Variants in CCDC73 observed in about 807,000 individuals in gnomAD.
The protein encoded by CCDC73 is coiled-coil domain containing 73.
CCDC73 carries 95 observed loss-of-function variants against 116.5 expected under a neutral mutation model. That is an observed-to-expected ratio of 0.82 (90% CI 0.69 to 0.97). The LOEUF is 0.97. Ranked by LOEUF, CCDC73 falls within the 50% of genes least tolerant of loss-of-function variation. The pLI, the probability that CCDC73 is intolerant of heterozygous loss-of-function variation, is 0.00. For missense variants in CCDC73, 1,066 were observed against 1,206.8 expected (o/e 0.88, Z 1.73); for synonymous variants, 398 against 401.3 (o/e 0.99, Z 0.10).
intron 14 of CCDC73, among the ~76,000 whole-genome samples, chr11:32,625,142 CTCCA>C (rs1855558318): frequency 6.6e-6 from 1 of 152,184 alleles, no homozygotes; most frequent in Admixed American, 6.5e-5. Flanking sequence ...GTAGATCTTC[CTCCA>C]TCCCTTTATT....
chr11:32,829,664 A>T, the CCDC73 span: 3 of 734,416 alleles, frequency 4.1e-6, no homozygotes, highest in Non-Finnish European at 5.0e-6. Flanking sequence ...CTGAGAACCG[A>T]AATGCTTCCT....
At chr11:32,610,887 A>G (rs190837957) in intron 17 of CCDC73, among the ~76,000 whole-genome samples, 1 of 152,372 alleles carries the variant, frequency 6.6e-6, no homozygotes, top group East Asian at 1.9e-4. Flanking sequence ...AAATAGAAGT[A>G]CATATCCGAT....
rs560859436 is a variant in CCDC73, at chr11:32,607,339, G to C, written c.3030+3793C>G. 1.0e-3 allele frequency among the ~76,000 whole-genome samples: 154 copies of C among 151,294 alleles called. 1 individual carries two copies. In the Middle Eastern group the frequency reaches 0.038, roughly 37 times the overall value. On this transcript the variant is annotated intron_variant, in intron 17 of 17. Coordinates refer to ENST00000335185, the MANE Select transcript of CCDC73 (RefSeq NM_001008391.4). Reference sequence around the variant, plus strand: ...GATCTCCTGACCTCGTGATCCGCCCGCCTCGGCCTCCCAAAGTGCTGGGAT... The same window carrying C: ...GATCTCCTGACCTCGTGATCCGCCCCCCTCGGCCTCCCAAAGTGCTGGGAT...
chr11:32,788,012 C>T (rs2133404206), intron 1 of CCDC73, among the ~76,000 whole-genome samples: 1 of 152,314 alleles, frequency 6.6e-6, no homozygotes, highest in African/African-American at 2.4e-5. Flanking sequence ...CACTTACACT[C>T]ATCAGATTCT....
intron 2 of CCDC73, among the ~76,000 whole-genome samples, chr11:32,736,299 C>T (rs1424642925): frequency 6.6e-6 from 1 of 151,984 alleles, no homozygotes; most frequent in African/African-American, 2.4e-5. Flanking sequence ...ACAAAGAACT[C>T]AAACAAATTT....
At chr11:32,636,485 C>T (rs1855680034) in intron 13 of CCDC73, among the ~76,000 whole-genome samples, 1 of 151,990 alleles carries the variant, frequency 6.6e-6, no homozygotes, top group Non-Finnish European at 1.5e-5. Context: ...TCACAGAAGC[C>T]TCAAATATGA....
intron 2 of CCDC73, among the ~76,000 whole-genome samples, chr11:32,725,771 A>C (rs1043012473): frequency 6.6e-6 from 1 of 152,150 alleles, no homozygotes; most frequent in Non-Finnish European, 1.5e-5. Context: ...TGTAGAATAC[A>C]TCTCCAAGAT....
chr11:32,645,379 T>C (rs540056028), intron 12 of CCDC73, among the ~76,000 whole-genome samples: 2 of 146,528 alleles, frequency 1.4e-5, no homozygotes, highest in Non-Finnish European at 3.0e-5. Flanking sequence ...GCAACCTCCA[T>C]CTCCCAGGTT....
At chr11:32,712,098 T>C (rs1849904978) in intron 3 of CCDC73, among the ~76,000 whole-genome samples, 1 of 152,204 alleles carries the variant, frequency 6.6e-6, no homozygotes, top group African/African-American at 2.4e-5. Flanking sequence ...TCACCTCCTA[T>C]GAACTTTTAT....
At chr11:32,664,150 T>C (rs1173780261) in intron 9 of CCDC73, among the ~76,000 whole-genome samples, 1 of 152,182 alleles carries the variant, frequency 6.6e-6, no homozygotes, top group African/African-American at 2.4e-5. Flanking sequence ...TCTTTTTTTA[T>C]TGTGTCTCTG....
chr11:32,680,280 TA>T (rs1203972704), intron 7 of CCDC73: 2 of 152,232 alleles, frequency 1.3e-5, no homozygotes, highest in Non-Finnish European at 2.9e-5. Flanking sequence ...TTTTTACTAT[TA>T]AAACTTTAAT....
the CCDC73 span, among the ~76,000 whole-genome samples, chr11:32,801,085 G>A: frequency 6.6e-6 from 1 of 152,144 alleles, no homozygotes; most frequent in Admixed American, 6.5e-5. Context: ...TTTTAGTTCT[G>A]AGCATCACAT....
chr11:32,609,535 C>A (rs1486105040), intron 17 of CCDC73, among the ~76,000 whole-genome samples: 1 of 152,208 alleles, frequency 6.6e-6, no homozygotes, highest in Non-Finnish European at 1.5e-5. Context: ...AATTTTCCCA[C>A]ATTTTCCTGT....
rs1299574704 is a variant in CCDC73 at position 32,767,087 on chromosome 11, G to T, written c.-15-6829C>A. Among the ~76,000 whole-genome samples, 8 of 152,024 alleles carry T rather than the reference G, an allele frequency of 5.3e-5. No individual in the cohort carries two copies. In the East Asian group the frequency reaches 5.8e-4, roughly 11 times the overall value. On this transcript the variant is annotated intron_variant, in intron 1 of 17. Coordinates refer to ENST00000335185, the MANE Select transcript of CCDC73 (RefSeq NM_001008391.4). The stretch of plus-strand genomic sequence containing the variant: ...TTCAAACTATACTACAAGGCTACAG[G>T]AACCAAAACAGCATGGTACTGGTAC...
intron 13 of CCDC73, among the ~76,000 whole-genome samples, chr11:32,639,157 C>A (rs529456707): frequency 5.3e-5 from 8 of 149,734 alleles, no homozygotes; most frequent in African/African-American, 2.0e-4. Context: ...TCCCCGACAC[C>A]CCCCCCAAAA....
At chr11:32,743,094 C>T (rs984764828) in intron 2 of CCDC73, among the ~76,000 whole-genome samples, 2 of 152,130 alleles carry the variant, frequency 1.3e-5, no homozygotes, top group South Asian at 2.1e-4. Context: ...TAGCATGATG[C>T]CTCCAGCTTT....
chr11:32,733,678 A>G (rs1463565246), intron 2 of CCDC73, among the ~76,000 whole-genome samples: 2 of 152,258 alleles, frequency 1.3e-5, no homozygotes, highest in East Asian at 3.8e-4. Context: ...TACCGGGTCC[A>G]TAACGAAATG....
intron 17 of CCDC73, among the ~76,000 whole-genome samples, chr11:32,610,515 C>A (rs1013709711): frequency 3.9e-5 from 6 of 152,316 alleles, no homozygotes; most frequent in South Asian, 2.1e-4. Flanking sequence ...AACACTACAA[C>A]CTTTTTCTTG....
At chr11:32,691,294 C>A (rs1231033387) in intron 6 of CCDC73, among the ~76,000 whole-genome samples, 1 of 152,150 alleles carries the variant, frequency 6.6e-6, no homozygotes, top group Non-Finnish European at 1.5e-5. Context: ...GATCTGCCTG[C>A]CTCAGCCTCC....
Sources: allele counts gnomAD v4.1 joint callset (sites outside exome capture counted in the v4.1 genomes callset), GRCh38; gene constraint gnomAD v4.1.1; transcripts MANE v1.5; gene names NCBI Gene and HGNC (gene_info 2026-07-23, HGNC 2026-07-21).